The following UBE3C variants were observed in gnomAD, a reference collection of about 807,000 sequenced individuals.
The protein encoded by UBE3C is ubiquitin protein ligase E3C.
UBE3C carries 42 observed loss-of-function variants against 129.4 expected under a neutral mutation model. The observed-to-expected ratio is 0.32, with a 90% confidence interval of 0.25 to 0.42. The LOEUF is 0.42. Among genes scored for constraint, UBE3C ranks in the 10% least tolerant of loss-of-function variants. UBE3C has a pLI of 1.00. For missense variants in UBE3C, 1,049 were observed against 1,319.1 expected (o/e 0.80, Z 3.17); for synonymous variants, 510 against 492.4 (o/e 1.04, Z -0.47).
Position 157,256,894 on chromosome 7 carries a change from A to T in UBE3C, c.2951-20A>T, listed in dbSNP as rs532867060. ...GGGTGTGCTTTGCATTTCATAAAGC[A>T]TGTGTTCATTTTGCCATAGGAGGCT... On this transcript the variant is annotated intron_variant, in intron 21 of 22. Transcript: ENST00000348165. The T allele has an allele frequency of 3.1e-6, 5 of 1,613,798 alleles. No homozygotes were observed. The South Asian group carries it at 5.5e-5, about 18-fold the overall frequency.
intron 19 of UBE3C, among the ~76,000 whole-genome samples, chr7:157,249,678 C>G (rs995877353): frequency 2.6e-5 from 4 of 152,176 alleles, no homozygotes; most frequent in Non-Finnish European, 4.4e-5. Context: ...CATTCCTTTT[C>G]TGGCCAAATG....
At chr7:157,140,816 A>C (rs1807423564) in intron 1 of UBE3C, among the ~76,000 whole-genome samples, 1 of 152,216 alleles carries the variant, frequency 6.6e-6, no homozygotes, top group African/African-American at 2.4e-5. Flanking sequence ...TCAGAATCTC[A>C]AGGGAAGATA....
intron 17 of UBE3C, among the ~76,000 whole-genome samples, chr7:157,230,034 A>G (rs746481199): frequency 1.3e-5 from 2 of 151,642 alleles, no homozygotes; most frequent in Non-Finnish European, 2.9e-5. Context: ...TCAGCCACCC[A>G]AGTAGCTGGG....
chr7:157,197,048 C>T (rs1809140395), intron 10 of UBE3C, among the ~76,000 whole-genome samples: 1 of 152,196 alleles, frequency 6.6e-6, no homozygotes, highest in Admixed American at 6.5e-5. Context: ...CAAGGCAAAA[C>T]TGTCGTTTCT....
intron 18 of UBE3C, among the ~76,000 whole-genome samples, chr7:157,245,674 T>C (rs1182391): frequency 0.61 from 92,930 of 152,080 alleles, 28,762 homozygotes; most frequent in South Asian, 0.66. Context: ...CATAATACTT[T>C]GGTTTACCTG....
At chr7:157,240,945 G>T (rs1242724057) in intron 18 of UBE3C, among the ~76,000 whole-genome samples, 2 of 152,172 alleles carry the variant, frequency 1.3e-5, no homozygotes. Flanking sequence ...GGACTCTCAG[G>T]AGCTAAAATC....
intron 13 of UBE3C, among the ~76,000 whole-genome samples, chr7:157,216,455 G>A (rs1795574910): frequency 6.6e-6 from 1 of 151,610 alleles, no homozygotes; most frequent in Non-Finnish European, 1.5e-5. Context: ...AGATCACTCA[G>A]GTATTAAGCT....
chr7:157,213,645 A>G (rs1809657687), intron 13 of UBE3C, among the ~76,000 whole-genome samples: 1 of 152,242 alleles, frequency 6.6e-6, no homozygotes, highest in South Asian at 2.1e-4. Context: ...AGATCACAAA[A>G]TGGATCCAGT....
At position 157,220,737 on chromosome 7, in the gene UBE3C, C is replaced by A; in HGVS notation, c.1963C>A (p.Arg655=). 6.2e-7 allele frequency: 1 copy of A among 1,614,116 alleles called. No homozygotes were observed. Among genetic ancestry groups the A allele is most frequent in the Non-Finnish European group, 8.5e-7 (1 of 1,179,988 alleles). The change falls in exon 15 of 23, where the codon CGG becomes AGG. Residue 655 remains arginine (R), a synonymous_variant. Transcript: ENST00000348165. The part of the protein sequence containing the change: ...PASRHVWRFR[R]MGRIGPLQST... Reference sequence around the variant, plus strand: ...ATCCAGACATGTGTGGAGGTTCCGGCGGATGGGGAGGATAGGCCCGCTGCA... The same window carrying A: ...ATCCAGACATGTGTGGAGGTTCCGGAGGATGGGGAGGATAGGCCCGCTGCA...
In UBE3C at chr7:157,224,443, C is replaced by G. The variant is rs185263875; in HGVS notation, c.2101-964C>G. 2.2e-3 allele frequency among the ~76,000 whole-genome samples: 340 copies of G among 152,212 alleles called. 1 individual carries two copies. The highest frequency in any genetic ancestry group is 7.6e-3 in the African/African-American group (314 of 41,530). On this transcript the variant is annotated intron_variant, in intron 16 of 22. Transcript: ENST00000348165. ...TCTCCTGACCTCGTGATCTGCCTGC[C>G]CCAGCCTCCCAAAGTGCTGAAATTA...
rs866796470 is a variant in UBE3C, at chr7:157,178,733, C to A, written c.502C>A (p.Pro168Thr). Residue 168 changes from proline (P) to threonine (T), a missense_variant, in exon 6 of 23, where the codon CCA becomes ACA. Pro to Thr is a conservative substitution (Grantham distance 38). Around this residue, in one of 4 missense-constraint regions of UBE3C, gnomAD observed 489 missense variants for 513.8 expected, o/e 0.95. Coordinates refer to ENST00000348165, the MANE Select transcript of UBE3C (RefSeq NM_014671.3). ...TGATGACAGTTTGAATGTTGCACTT[C>A]CAATGAGAATGCTTGAAGTATTTTC... The part of the protein sequence containing the change: ...CNDDSLNVAL[P>T]MRMLEVFSSE... 6.2e-7 allele frequency: 1 copy of A among 1,614,120 alleles called. No homozygotes were observed. The highest frequency in any genetic ancestry group is 1.7e-4 in the Middle Eastern group (1 of 6,058).
At chr7:157,208,055 CTTTTTTTTTT>C (rs35366316) in intron 13 of UBE3C, 120 bp downstream of exon 13, 24 of 93,694 alleles carry the variant, frequency 2.6e-4, no homozygotes, top group Admixed American at 5.4e-4. Context: ...ATTTGCAAGA[CTTTTTTTTTT>C]TTTTTTTTTT....
Position 157,267,798 on chromosome 7 carries a change from C to G in UBE3C, c.*43C>G, listed in dbSNP as rs771534714. 6 of 1,509,322 alleles carry G rather than the reference C, an allele frequency of 4.0e-6. No individual in the cohort carries two copies. Among genetic ancestry groups the G allele is most frequent in the Non-Finnish European group, 4.4e-6 (5 of 1,131,892 alleles). The allele number at this position is 1,509,322 out of a possible 1,614,324, so 93.5% of individuals were successfully genotyped here. On this transcript the variant is annotated 3_prime_UTR_variant, in exon 23 of 23. Transcript: ENST00000348165. ...GACCCCTACAGAGAACCAGTGCTTC[C>G]TTCGTCAGCAGCGCCTCCCCAGACC... is the stretch of plus-strand genomic sequence containing the variant.
chr7:157,151,400 C>G (rs1328475909), intron 1 of UBE3C, among the ~76,000 whole-genome samples: 1 of 152,042 alleles, frequency 6.6e-6, no homozygotes, highest in African/African-American at 2.4e-5. Flanking sequence ...TGAGTTCACT[C>G]GGAGAAGATT....
In UBE3C at chr7:157,207,782, A is replaced by T. The variant is rs768878232; in HGVS notation, c.1656A>T (p.Ala552=). Reference sequence around the variant, plus strand: ...TGTTGTCTCGATGCCTTCGAGATGCATGCCTGGGGATCATCAAGTTGGCTT... The same window carrying T: ...TGTTGTCTCGATGCCTTCGAGATGCTTGCCTGGGGATCATCAAGTTGGCTT... The part of the protein sequence containing the change: ...LIMLSRCLRD[A]CLGIIKLAYP... The change falls in exon 13 of 23, where the codon GCA becomes GCT. Residue 552 remains alanine, a synonymous_variant. Coordinates refer to ENST00000348165, the MANE Select transcript of UBE3C (RefSeq NM_014671.3). 38 of 1,614,094 alleles carry T rather than the reference A, an allele frequency of 2.4e-5. No individual in the cohort carries two copies. The highest frequency in any genetic ancestry group is 3.3e-5 in the Admixed American group (2 of 59,994).
In UBE3C at chr7:157,178,721, A is replaced by T. The variant is rs1275253118; in HGVS notation, c.490A>T (p.Asn164Tyr). The T allele has an allele frequency of 6.2e-7, 1 of 1,614,170 alleles. No individual in the cohort carries two copies. Among genetic ancestry groups the T allele is most frequent in the South Asian group, 1.1e-5 (1 of 91,082 alleles). ...LLQNCNDDSLNVALPMRMLEV... is the reference protein window; with the variant it reads ...LLQNCNDDSLYVALPMRMLEV... ...GCAAAACTGTAATGATGACAGTTTG[A>T]ATGTTGCACTTCCAATGAGAATGCT... Residue 164 changes from asparagine (N) to tyrosine (Y), a missense_variant, in exon 6 of 23, where the codon AAT becomes TAT. Asn to Tyr is a moderately radical substitution (Grantham distance 143). Transcript: ENST00000348165.
chr7:157,230,987 A>C lies in UBE3C; in HGVS notation c.2234-93A>C, dbSNP rs555551685. On this transcript the variant is annotated intron_variant, in intron 17 of 22. Coordinates refer to ENST00000348165, the MANE Select transcript of UBE3C (RefSeq NM_014671.3). ...ATGTTAAAATGTCCCTAAGATCCTCACACCCCTTCCTTAAGCCTTCCTGTA... is the reference window on the plus strand; with the variant it reads ...ATGTTAAAATGTCCCTAAGATCCTCCCACCCCTTCCTTAAGCCTTCCTGTA... 9 of 1,513,982 alleles carry C rather than the reference A, an allele frequency of 5.9e-6. No individual in the cohort carries two copies. The South Asian group carries it at 1.2e-4, about 19-fold the overall frequency. The allele number at this position is 1,513,982 out of a possible 1,614,324, so 93.8% of individuals were successfully genotyped here.
intron 1 of UBE3C, among the ~76,000 whole-genome samples, chr7:157,157,501 T>A (rs1172310849): frequency 6.6e-6 from 1 of 152,218 alleles, no homozygotes; most frequent in Non-Finnish European, 1.5e-5. Flanking sequence ...TCACTTTTCA[T>A]ACATTGACAT....
At chr7:157,186,278 G>C (rs566616734) in intron 9 of UBE3C, among the ~76,000 whole-genome samples, 1 of 152,030 alleles carries the variant, frequency 6.6e-6, no homozygotes, top group Non-Finnish European at 1.5e-5. Flanking sequence ...ACAAAAATTA[G>C]CTGGGTGTGG....
Sources: gnomAD v4.1 joint callset for allele counts (sites outside exome capture counted in the v4.1 genomes callset) on GRCh38, gnomAD v4.1.1 for gene constraint, gnomAD v4.1.1 regional missense constraint, MANE v1.5 for transcripts, NCBI Gene and HGNC (gene_info 2026-07-23, HGNC 2026-07-21) for gene names.